Variants in NIPSNAP2 observed in about 807,000 individuals in gnomAD.
The protein encoded by NIPSNAP2 is nipsnap homolog 2.
A neutral mutation model predicts 48.4 loss-of-function variants in NIPSNAP2; 42 were observed. That is an observed-to-expected ratio of 0.87 (90% confidence interval 0.68 to 1.12). The LOEUF (loss-of-function observed/expected upper bound fraction) is 1.12, where lower values mean the gene tolerates loss of function less well. NIPSNAP2 is among the 50% of genes most tolerant of loss of function. The probability of loss-of-function intolerance (pLI) is 0.00; values close to 1 mark genes in which losing one functional copy is unlikely to be tolerated. For synonymous variants in NIPSNAP2, 158 were observed against 126.6 expected (o/e 1.25, Z -1.67); for missense variants, 314 against 347.3 (o/e 0.90, Z 0.76).
intron 1 of NIPSNAP2, among the ~76,000 whole-genome samples, chr7:55,968,493 C>G (rs940458210): frequency 1.3e-5 from 2 of 151,176 alleles, no homozygotes; most frequent in Non-Finnish European, 2.9e-5. Flanking sequence ...TCAAGTGATT[C>G]TCCTGTCTCA....
intron 5 of NIPSNAP2, among the ~76,000 whole-genome samples, chr7:55,982,676 C>T (rs113812368): frequency 0.041 from 6,167 of 151,204 alleles, 155 homozygotes; most frequent in Admixed American, 0.059. Flanking sequence ...GGCGTGAACC[C>T]GGGAGGTGGA....
chr7:55,973,952 C>T (rs972946627), intron 1 of NIPSNAP2, among the ~76,000 whole-genome samples: 1 of 152,078 alleles, frequency 6.6e-6, no homozygotes, highest in Non-Finnish European at 1.5e-5. Context: ...AGGCTGAGTG[C>T]GGCAGCTCAC....
At chr7:55,988,950 A>C (rs1276990789) in intron 7 of NIPSNAP2, among the ~76,000 whole-genome samples, 1 of 152,164 alleles carries the variant, frequency 6.6e-6, no homozygotes, top group African/African-American at 2.4e-5. Context: ...ATAAACACTT[A>C]TATATATGTG....
chr7:55,964,752 G>A (rs1786854632), intron 1 of NIPSNAP2, 51 bp downstream of exon 1: 2 of 951,584 alleles, frequency 2.1e-6, no homozygotes, highest in East Asian at 1.0e-4. Context: ...CCGCCGCGAG[G>A]CGGAGGGCGC....
At chr7:55,968,887 A>T (rs1584337087) in intron 1 of NIPSNAP2, among the ~76,000 whole-genome samples, 1 of 151,880 alleles carries the variant, frequency 6.6e-6, no homozygotes, top group East Asian at 1.9e-4. Flanking sequence ...TTAGCAGGGT[A>T]ACTACAACAT....
intron 1 of NIPSNAP2, among the ~76,000 whole-genome samples, chr7:55,973,124 G>C (rs1028241579): frequency 4.6e-4 from 70 of 152,034 alleles, no homozygotes; most frequent in Admixed American, 4.5e-3. Context: ...AAAAAATACA[G>C]AAGAGAAAAG....
At chr7:55,998,691 G>A (rs1235564499) in intron 9 of NIPSNAP2, among the ~76,000 whole-genome samples, 1 of 151,898 alleles carries the variant, frequency 6.6e-6, no homozygotes, top group African/African-American at 2.4e-5. Context: ...ACTAGAGACA[G>A]GGTTTCACCC....
chr7:55,990,809 A>G (rs1787428445), intron 7 of NIPSNAP2, among the ~76,000 whole-genome samples: 1 of 139,648 alleles, frequency 7.2e-6, no homozygotes, highest in African/African-American at 2.7e-5. Context: ...TTTTTTTGAG[A>G]CGGAGTCTTG....
In NIPSNAP2 at chr7:55,995,059, C is replaced by T; in HGVS notation, c.712+71C>T. ...TACTAAGTTGTACTGGGAAGTAGAGCACATCTTGAGTCAGTAACCTTAACC... is the reference window on the plus strand; with the variant it reads ...TACTAAGTTGTACTGGGAAGTAGAGTACATCTTGAGTCAGTAACCTTAACC... On this transcript the variant is annotated intron_variant, in intron 8 of 9. Transcript: ENST00000322090. 4.7e-6 allele frequency: 6 copies of T among 1,279,724 alleles called. No homozygotes were observed. The Admixed American group carries it at 6.8e-5, about 14-fold the overall frequency. 79.3% of individuals were successfully genotyped at this position (1,279,724 alleles called of 1,614,324 possible).
At chr7:55,993,170 A>G (rs1274529538) in intron 7 of NIPSNAP2, among the ~76,000 whole-genome samples, 1 of 151,618 alleles carries the variant, frequency 6.6e-6, no homozygotes. Context: ...GTGGTGGTGC[A>G]CACCTGTAAT....
intron 1 of NIPSNAP2, among the ~76,000 whole-genome samples, chr7:55,965,806 C>T (rs1786881173): frequency 1.3e-5 from 2 of 152,264 alleles, no homozygotes; most frequent in South Asian, 4.1e-4. Flanking sequence ...ATCTCGAACT[C>T]CTGACCTCAG....
At chr7:55,969,594 T>G (rs996952857) in intron 1 of NIPSNAP2, among the ~76,000 whole-genome samples, 7 of 152,202 alleles carry the variant, frequency 4.6e-5, no homozygotes, top group Non-Finnish European at 8.8e-5. Flanking sequence ...TTTGTCTGTC[T>G]GCCCTCACCA....
intron 7 of NIPSNAP2, among the ~76,000 whole-genome samples, chr7:55,987,382 C>G (rs1787352060): frequency 1.3e-5 from 2 of 152,176 alleles, no homozygotes; most frequent in Admixed American, 6.6e-5. Context: ...AATCCCAGCA[C>G]TTTGGGAGGC....
chr7:55,986,509 A>C (rs1027972961), intron 7 of NIPSNAP2, among the ~76,000 whole-genome samples: 2 of 151,972 alleles, frequency 1.3e-5, no homozygotes, highest in Admixed American at 6.6e-5. Context: ...TAAAAATACA[A>C]AAATTAGCCA....
chr7:55,986,818 T>C (rs1562766758), intron 7 of NIPSNAP2, among the ~76,000 whole-genome samples: 1 of 151,736 alleles, frequency 6.6e-6, no homozygotes. Flanking sequence ...ATAATAAGAA[T>C]ACAGATAACT....
At chr7:55,998,223 T>C (rs1787605294) in intron 9 of NIPSNAP2, among the ~76,000 whole-genome samples, 1 of 151,116 alleles carries the variant, frequency 6.6e-6, no homozygotes, top group Non-Finnish European at 1.5e-5. Flanking sequence ...CACTCCAGCC[T>C]GGGTGACAGA....
Position 55,994,970 on chromosome 7 carries a change from A to G in NIPSNAP2, c.694A>G (p.Met232Val), listed in dbSNP as rs769512526. The G allele has an allele frequency of 5.6e-6, 9 of 1,613,968 alleles. No homozygotes were observed. The highest frequency in any genetic ancestry group is 1.3e-5 in the African/African-American group (1 of 75,062). Reference protein sequence around the residue: ...GFFSQIGQLYMVHHLWAYRDL... With the variant: ...GFFSQIGQLYVVHHLWAYRDL... ...CTTCTCTCAGATTGGGCAGCTGTAC[A>G]TGGTGCACCATCTTTGGGGTATCTG... The change falls in exon 8 of 10, where the codon ATG becomes GTG. Residue 232 changes from methionine to valine, a missense_variant. By Grantham distance (21) the Met-to-Val change is conservative. This residue lies in a region of NIPSNAP2 where 116 missense variants were observed against 161.8 expected (regional missense o/e 0.72). Coordinates refer to ENST00000322090, the MANE Select transcript of NIPSNAP2 (RefSeq NM_001483.3).
At chr7:55,984,980 C>T in intron 7 of NIPSNAP2, 102 bp downstream of exon 7, 2 of 815,632 alleles carry the variant, frequency 2.5e-6, no homozygotes. Flanking sequence ...AGTACTGTGA[C>T]TTAACACTGC....
Position 55,999,406 on chromosome 7 carries a change from T to C in NIPSNAP2, c.*334T>C, listed in dbSNP as rs1787635031. ...AATAAGATTCCAACCACAAAAAAAATTTAGCCATTTCTTTACTAAAAAAAA... is the reference window on the plus strand; with the variant it reads ...AATAAGATTCCAACCACAAAAAAAACTTAGCCATTTCTTTACTAAAAAAAA... On this transcript the variant is annotated 3_prime_UTR_variant, in exon 10 of 10. Transcript: ENST00000322090. 1 of 196,342 alleles carries C rather than the reference T, an allele frequency of 5.1e-6. No individual in the cohort carries two copies. Among genetic ancestry groups the C allele is most frequent in the Admixed American group, 6.0e-5 (1 of 16,592 alleles). 12.2% of individuals were successfully genotyped at this position (196,342 alleles called of 1,614,324 possible).
Sources: gnomAD v4.1 joint callset for allele counts (sites outside exome capture counted in the v4.1 genomes callset) on GRCh38, gnomAD v4.1.1 for gene constraint, gnomAD v4.1.1 regional missense constraint, MANE v1.5 for transcripts, NCBI Gene and HGNC (gene_info 2026-07-23, HGNC 2026-07-21) for gene names.